Variants in SLC1A4 observed in about 807,000 individuals in gnomAD.
SLC1A4 encodes solute carrier family 1 member 4.
SLC1A4 carries 19 observed loss-of-function variants against 37.7 expected under a neutral mutation model. That is an observed-to-expected ratio of 0.50 (90% CI 0.35 to 0.74). The LOEUF (loss-of-function observed/expected upper bound fraction) is 0.74, where lower values mean the gene tolerates loss of function less well. Ranked by LOEUF, SLC1A4 falls within the 30% of genes least tolerant of loss-of-function variation. The pLI is 0.01. For missense variants in SLC1A4, 570 were observed against 712.9 expected (o/e 0.80, Z 2.28); for synonymous variants, 299 against 309.8 (o/e 0.97, Z 0.37).
At chr2:65,005,550 A>C (rs1673639184) in intron 3 of SLC1A4, among the ~76,000 whole-genome samples, 1 of 152,210 alleles carries the variant, frequency 6.6e-6, no homozygotes, top group Non-Finnish European at 1.5e-5. Flanking sequence ...TCACTTCTGC[A>C]TGCCACCCTC....
Position 64,989,399 on chromosome 2 carries a change from A to G in SLC1A4, c.-245A>G. 2.7e-6 allele frequency: 1 copy of G among 365,852 alleles called. No homozygotes were observed. The highest frequency in any genetic ancestry group is 4.1e-5 in the East Asian group (1 of 24,598). 22.7% of individuals were successfully genotyped at this position (365,852 alleles called of 1,614,324 possible). A position where few individuals can be genotyped will look rare whatever the true frequency, so the allele number is the denominator to read the frequency against. ...CGCGTTCGCGGCTCCCGTTTGCATC[A>G]TCTCCAGCCGGCGGCTGCTCCAGGG... On this transcript the variant is annotated 5_prime_UTR_variant, in exon 1 of 8. Coordinates refer to ENST00000234256, the MANE Select transcript of SLC1A4 (RefSeq NM_003038.5).
chr2:65,015,426 CAT>C (rs757924457), intron 4 of SLC1A4, among the ~76,000 whole-genome samples: 22 of 151,556 alleles, frequency 1.5e-4, no homozygotes, highest in Admixed American at 1.2e-3. Flanking sequence ...GAAAAAAACA[CAT>C]AGATTTAAAT....
Position 64,989,960 on chromosome 2 carries a change from A to C in SLC1A4, c.317A>C (p.Asp106Ala), listed in dbSNP as rs1672985960. The change falls in exon 1 of 8, where the codon GAT (aspartate) becomes GCT (alanine). Residue 106 changes from aspartate to alanine, a missense_variant. Physicochemically the swap from Asp to Ala is moderately radical, Grantham distance 126. Transcript: ENST00000234256. ...CSLVSGAASL[D>A]ASCLGRLGGI... ...CTGGTGTCGGGCGCCGCCTCGCTCG[A>C]TGCCAGCTGCCTCGGGCGTCTGGGC... 1.9e-6 allele frequency: 3 copies of C among 1,578,310 alleles called. No individual in the cohort carries two copies. The highest frequency in any genetic ancestry group is 2.6e-6 in the Non-Finnish European group (3 of 1,162,188).
At position 65,020,927 on chromosome 2, in the gene SLC1A4, G is replaced by T. The variant is rs144265531; in HGVS notation, c.1380G>T (p.Thr460=). 1 of 1,613,956 alleles carries T rather than the reference G, an allele frequency of 6.2e-7. No individual in the cohort carries two copies. The highest frequency in any genetic ancestry group is 8.5e-7 in the Non-Finnish European group (1 of 1,179,952). ...TTCCCACCAGGGACCGGACCACCAC[G>T]GTGGTGAATGTGGAAGGGGATGCCC... ...AVDWIVDRTT[T]VVNVEGDALG... is the part of the protein sequence containing the mutation. The change falls in exon 8 of 8, where the codon ACG becomes ACT. Residue 460 remains threonine, a synonymous_variant. Coordinates refer to ENST00000234256, the MANE Select transcript of SLC1A4 (RefSeq NM_003038.5).
chr2:64,993,207 G>A (rs943668462), intron 1 of SLC1A4, among the ~76,000 whole-genome samples: 1 of 152,212 alleles, frequency 6.6e-6, no homozygotes, highest in African/African-American at 2.4e-5. Context: ...AGTCAGCATA[G>A]CTGCTGCTGA....
At chr2:65,009,955 G>A (rs1466791857) in intron 3 of SLC1A4, among the ~76,000 whole-genome samples, 4 of 149,418 alleles carry the variant, frequency 2.7e-5, no homozygotes, top group Non-Finnish European at 4.4e-5. Flanking sequence ...TTTTTGAGCC[G>A]GAGTCTCGCT....
At position 64,991,530 on chromosome 2, in the gene SLC1A4, C is replaced by T. The variant is rs559476778; in HGVS notation, c.527+1360C>T. Among the ~76,000 whole-genome samples the T allele has an allele frequency of 2.6e-5, 4 of 151,362 alleles. No individual in the cohort carries two copies. In the East Asian group the frequency reaches 5.9e-4, roughly 22 times the overall value. On this transcript the variant is annotated intron_variant, in intron 1 of 7. Transcript: ENST00000234256. ...GCATCCCCGAACTCCTAGGCTTCAG[C>T]GATCCTCCTGCCTCAGTCTCCAGAG...
intron 1 of SLC1A4, chr2:64,999,864 G>T (rs1041097737): frequency 6.6e-6 from 1 of 151,972 alleles, no homozygotes; most frequent in East Asian, 1.9e-4. Context: ...TAACCAAATC[G>T]TGGATGTGAC....
In SLC1A4 at chr2:65,021,304, A is replaced by G; in HGVS notation, c.*158A>G. 1 of 621,572 alleles carries G rather than the reference A, an allele frequency of 1.6e-6. No homozygotes were observed. The highest frequency in any genetic ancestry group is 2.8e-6 in the Non-Finnish European group (1 of 354,520). 38.5% of individuals were successfully genotyped at this position (621,572 alleles called of 1,614,324 possible). On this transcript the variant is annotated 3_prime_UTR_variant, in exon 8 of 8. Transcript: ENST00000234256. ...CTGAGGCTTACCTCTCGGCACTGGC[A>G]TTGGGCTCCCCAGCCGGAACTGGTT...
In SLC1A4 at chr2:64,991,153, AG is replaced by A. The variant is rs745577531; in HGVS notation, c.527+984del. On this transcript the variant is annotated intron_variant, in intron 1 of 7. Coordinates refer to ENST00000234256, the MANE Select transcript of SLC1A4 (RefSeq NM_003038.5). ...ATTTTGTCTTGAGTTATTGAGGCAA[AG>A]CTCCTCATTGCTGAGGTTGTGAAAA... 6.6e-5 allele frequency among the ~76,000 whole-genome samples: 10 copies of A among 152,262 alleles called. No homozygotes were observed. The South Asian group carries it at 1.0e-3, about 16-fold the overall frequency.
At chr2:65,005,205 A>C (rs1199032723) in intron 3 of SLC1A4, among the ~76,000 whole-genome samples, 1 of 152,054 alleles carries the variant, frequency 6.6e-6, no homozygotes, top group African/African-American at 2.4e-5. Flanking sequence ...GGCCTGGGGG[A>C]TGTAGGAAAG....
At chr2:64,990,206 G>A (rs368955941) in intron 1 of SLC1A4, 36 bp downstream of exon 1, 19 of 1,525,266 alleles carry the variant, frequency 1.2e-5, no homozygotes, top group Middle Eastern at 3.5e-4. Context: ...CCCAGTGGGA[G>A]ACGCCAGTTC....
chr2:64,997,172 TGCC>T (rs1380944652), intron 1 of SLC1A4, among the ~76,000 whole-genome samples: 5 of 152,142 alleles, frequency 3.3e-5, no homozygotes, highest in African/African-American at 1.2e-4. Context: ...TTCAGCTCAC[TGCC>T]ACCAGGAGAG....
rs1674459600 is a variant in SLC1A4, at chr2:65,022,334, A to C, written c.*1188A>C. ...TGCTGACACGGTTCTAAGCTAAGTGAAGGGGAAGATCTGAGAGCGTGCTGT... is the reference window on the plus strand; with the variant it reads ...TGCTGACACGGTTCTAAGCTAAGTGCAGGGGAAGATCTGAGAGCGTGCTGT... On this transcript the variant is annotated 3_prime_UTR_variant, in exon 8 of 8. Coordinates refer to ENST00000234256, the MANE Select transcript of SLC1A4 (RefSeq NM_003038.5). 1 of 152,212 alleles carries C rather than the reference A, an allele frequency of 6.6e-6. No individual in the cohort carries two copies. Among genetic ancestry groups the C allele is most frequent in the South Asian group, 2.1e-4 (1 of 4,828 alleles). 9.4% of individuals were successfully genotyped at this position (152,212 alleles called of 1,614,324 possible). A position where few individuals can be genotyped will look rare whatever the true frequency, so the allele number is the denominator to read the frequency against.
At chr2:65,013,566 A>G (rs1674008576) in intron 4 of SLC1A4, among the ~76,000 whole-genome samples, 1 of 152,192 alleles carries the variant, frequency 6.6e-6, no homozygotes, top group African/African-American at 2.4e-5. Flanking sequence ...CATTCCTTCA[A>G]TTTGATGTAC....
At chr2:64,990,900 T>A (rs1673025009) in intron 1 of SLC1A4, among the ~76,000 whole-genome samples, 1 of 152,222 alleles carries the variant, frequency 6.6e-6, no homozygotes, top group African/African-American at 2.4e-5. Flanking sequence ...TTTTTGCAAT[T>A]CTTAGAAGTT....
intron 1 of SLC1A4, 60 bp from the exon 2 acceptor site, chr2:65,001,388 A>G: frequency 6.8e-7 from 1 of 1,462,548 alleles, no homozygotes; most frequent in Non-Finnish European, 9.6e-7. Context: ...GGCAACAGGG[A>G]CCTCATCTCT....
rs376583293 is a variant in SLC1A4 at position 65,015,010 on chromosome 2, T to C, written c.801-1430T>C. ...AATATTATTCAGCCTTAGAAAGGAG[T>C]ACAATTCTAGCTCATGCTCCAATGT... On this transcript the variant is annotated intron_variant, in intron 4 of 7. Transcript: ENST00000234256. Among the ~76,000 whole-genome samples the C allele has an allele frequency of 2.8e-4, 42 of 152,278 alleles. No individual in the cohort carries two copies. The South Asian group carries it at 8.5e-3, about 31-fold the overall frequency.
rs367734646 is a variant in SLC1A4 at position 65,018,214 on chromosome 2, T to C, written c.1178T>C (p.Ile393Thr). 51 of 1,614,070 alleles carry C rather than the reference T, an allele frequency of 3.2e-5. No individual in the cohort carries two copies. Among genetic ancestry groups the C allele is most frequent in the East Asian group, 1.1e-4 (5 of 44,896 alleles). ...TTCCAGTGTGTGGCCGCGGTGTTCA[T>C]TGCGCAACTCAACAACGTAGAGCTC... is the stretch of plus-strand genomic sequence containing the variant. Reference protein sequence around the residue: ...AIFQCVAAVFIAQLNNVELNA... With the variant: ...AIFQCVAAVFTAQLNNVELNA... Residue 393 changes from isoleucine to threonine, a missense_variant, in exon 6 of 8, where the codon ATT (isoleucine) becomes ACT (threonine). Ile to Thr is a moderately conservative substitution (Grantham distance 89, BLOSUM62 -1). Coordinates refer to ENST00000234256, the MANE Select transcript of SLC1A4 (RefSeq NM_003038.5). This position sits in a 1 kb window ranked among gnomAD's most constrained non-coding sequence, Gnocchi z 4.3.
Sources: allele counts gnomAD v4.1 joint callset (sites outside exome capture counted in the v4.1 genomes callset), GRCh38; gene constraint gnomAD v4.1.1; non-coding constraint Gnocchi (gnomAD v3.1); transcripts MANE v1.5; gene names NCBI Gene and HGNC (gene_info 2026-07-23, HGNC 2026-07-21).